CERT1: variants seen among roughly 807,000 people sequenced by gnomAD.
The protein encoded by CERT1 is ceramide transfer protein.
Under a neutral mutation model 87.9 loss-of-function variants are expected in CERT1, and 31 were observed. The ratio of observed to expected loss-of-function variants is 0.35; its 90% CI spans 0.27 to 0.48. The LOEUF is 0.48. CERT1 is among the 20% of genes least tolerant of loss of function. CERT1 has a pLI of 0.99. For missense variants in CERT1, 487 were observed against 758.0 expected (o/e 0.64, Z 4.20); for synonymous variants, 289 against 250.9 (o/e 1.15, Z -1.44).
intron 3 of CERT1, among the ~76,000 whole-genome samples, chr5:75,440,036 T>C (rs938971807): frequency 2.0e-5 from 3 of 152,088 alleles, no homozygotes; most frequent in Non-Finnish European, 2.9e-5. Flanking sequence ...TCCCTGGGCT[T>C]CATTTTATCT....
intron 2 of CERT1, among the ~76,000 whole-genome samples, chr5:75,483,342 A>G (rs534167349): frequency 4.6e-5 from 7 of 152,326 alleles, no homozygotes; most frequent in Non-Finnish European, 1.0e-4. Context: ...GTCAGAGGAG[A>G]TAAAAAAAGA....
chr5:75,387,579 TAAAAATAC>T (rs925851163), intron 12 of CERT1, among the ~76,000 whole-genome samples: 69 of 151,804 alleles, frequency 4.5e-4, no homozygotes, highest in Non-Finnish European at 3.2e-4. Flanking sequence ...CCATTTCTAC[TAAAAATAC>T]AAAAATTAAC....
intron 6 of CERT1, among the ~76,000 whole-genome samples, chr5:75,418,836 A>T (rs1214448444): frequency 6.6e-6 from 1 of 152,218 alleles, no homozygotes; most frequent in Non-Finnish European, 1.5e-5. Context: ...GGAGAGAGGA[A>T]TGACAAAGGG....
intron 2 of CERT1, among the ~76,000 whole-genome samples, chr5:75,478,068 T>G (rs908080699): frequency 6.6e-6 from 1 of 152,068 alleles, no homozygotes; most frequent in Admixed American, 6.5e-5. Context: ...ATCCCAGCAC[T>G]TTGGGAGGCT....
chr5:75,443,378 C>A, intron 3 of CERT1, among the ~76,000 whole-genome samples: 1 of 152,114 alleles, frequency 6.6e-6, no homozygotes, highest in East Asian at 1.9e-4. Flanking sequence ...ACTGTATCCT[C>A]AAAGTTTTGG....
At chr5:75,511,648 C>T (rs1768013330), upstream of CERT1, 1 of 1,508,312 alleles carries the variant, frequency 6.6e-7, no homozygotes, top group Non-Finnish European at 8.9e-7. Flanking sequence ...CTCCCCTGTC[C>T]TTTCCCCTCC....
At chr5:75,402,019 C>T (rs149003483) in intron 9 of CERT1, 2 of 152,264 alleles carry the variant, frequency 1.3e-5, no homozygotes, top group East Asian at 1.9e-4. Flanking sequence ...CTAGTTGTAA[C>T]GTATGGTAAC....
In CERT1 at chr5:75,381,201, G is replaced by T. The variant is rs1561220606; in HGVS notation, c.1618C>A (p.Leu540Ile). 6.2e-7 allele frequency: 1 copy of T among 1,613,950 alleles called. No individual in the cohort carries two copies. The highest frequency in any genetic ancestry group is 1.7e-5 in the Admixed American group (1 of 59,998). Residue 540 changes from leucine (L) to isoleucine (I), a missense_variant and splice_region_variant, in exon 16 of 17, where the codon CTA becomes ATA. Coordinates refer to ENST00000643780, the MANE Select transcript of CERT1 (RefSeq NM_001379029.1). ...TTGGCACGGACACATCGGTTGTTTA[G>T]CTGCCAAAACAAAAAACAAAGCATC... ...NFSVDHDSAPLNNRCVRAKIN... is the reference protein window; with the variant it reads ...NFSVDHDSAPINNRCVRAKIN...
rs188138750 is a variant in CERT1 at position 75,492,744 on chromosome 5, A to T, written c.231+13238T>A. 5.3e-5 allele frequency among the ~76,000 whole-genome samples: 8 copies of T among 152,334 alleles called. No homozygotes were observed. In the East Asian group the frequency reaches 1.5e-3, roughly 29 times the overall value. On this transcript the variant is annotated intron_variant, in intron 2 of 16. Coordinates refer to ENST00000643780, the MANE Select transcript of CERT1 (RefSeq NM_001379029.1). ...TTATGTATAACAACTCAATTGATTT[A>T]CATGTCAGAGCAACTATCAACGTCC...
intron 2 of CERT1, among the ~76,000 whole-genome samples, chr5:75,476,768 G>A (rs1392410025): frequency 1.3e-5 from 2 of 152,198 alleles, no homozygotes; most frequent in African/African-American, 4.8e-5. Flanking sequence ...ACTGGAGACA[G>A]TGAAAAATAC....
chr5:75,463,942 G>A (rs1342411380), intron 2 of CERT1, among the ~76,000 whole-genome samples: 8 of 152,212 alleles, frequency 5.3e-5, no homozygotes, highest in Non-Finnish European at 8.8e-5. Flanking sequence ...TTGTCCAGAT[G>A]CAGTGATCTG....
chr5:75,392,296 A>G (rs36014638), intron 11 of CERT1, among the ~76,000 whole-genome samples: 376 of 152,332 alleles, frequency 2.5e-3, no homozygotes, highest in Non-Finnish European at 3.5e-3. Flanking sequence ...TTTAAAAATG[A>G]TATTCCTGTA....
At chr5:75,376,666 G>T (rs1761328929), downstream of CERT1, 1 of 152,228 alleles carries the variant, frequency 6.6e-6, no homozygotes, top group South Asian at 2.1e-4. Context: ...ACTTGTGCTT[G>T]AAGAGAGAAT....
intron 11 of CERT1, among the ~76,000 whole-genome samples, chr5:75,397,546 G>C (rs1159903543): frequency 6.6e-6 from 1 of 152,140 alleles, no homozygotes; most frequent in African/African-American, 2.4e-5. Flanking sequence ...TTTATTACTG[G>C]CTTACATTCT....
intron 2 of CERT1, among the ~76,000 whole-genome samples, chr5:75,459,638 C>T (rs552364198): frequency 2.0e-5 from 3 of 152,190 alleles, no homozygotes; most frequent in African/African-American, 7.2e-5. Flanking sequence ...CACATACCAC[C>T]ATGCCCTGCT....
chr5:75,511,628 T>C lies in CERT1; in HGVS notation c.-421A>G, dbSNP rs1039953222. ...GCCATCTTCCTGCCTGGCCCACTAT[T>C]TACCCTCCCCTCCCCTGTCCTTTCC... On this transcript the variant is annotated 5_prime_UTR_variant, in exon 1 of 17. Coordinates refer to ENST00000643780, the MANE Select transcript of CERT1 (RefSeq NM_001379029.1). 4.0e-6 allele frequency: 6 copies of C among 1,483,946 alleles called. No homozygotes were observed. Among genetic ancestry groups the C allele is most frequent in the African/African-American group, 1.4e-5 (1 of 71,608 alleles). The allele number at this position is 1,483,946 out of a possible 1,614,324, so 91.9% of individuals were successfully genotyped here. A position where few individuals can be genotyped will look rare whatever the true frequency, so the allele number is the denominator to read the frequency against.
chr5:75,461,347 A>G (rs998683074), intron 2 of CERT1, among the ~76,000 whole-genome samples: 1 of 152,216 alleles, frequency 6.6e-6, no homozygotes, highest in Non-Finnish European at 1.5e-5. Flanking sequence ...CCTTATGAGA[A>G]TCTAATGGTT....
chr5:75,445,722 G>C (rs1764508210), intron 3 of CERT1, among the ~76,000 whole-genome samples: 2 of 152,100 alleles, frequency 1.3e-5, no homozygotes, highest in South Asian at 4.1e-4. Context: ...TCAAACTCCT[G>C]GTGTTAAATG....
chr5:75,480,703 A>T lies in CERT1; in HGVS notation c.232-21522T>A, dbSNP rs528870424. Among the ~76,000 whole-genome samples the T allele has an allele frequency of 5.3e-5, 8 of 152,332 alleles. No individual in the cohort carries two copies. In the East Asian group the frequency reaches 1.4e-3, roughly 26 times the overall value. Reference sequence around the variant, plus strand: ...TTGATCATCTGATTTGCCTTCCTCAAGAAGGCTTCCACATTTCTGTAAATG... The same window carrying T: ...TTGATCATCTGATTTGCCTTCCTCATGAAGGCTTCCACATTTCTGTAAATG... On this transcript the variant is annotated intron_variant, in intron 2 of 16. Transcript: ENST00000643780.
Sources: gnomAD v4.1 joint callset for allele counts (sites outside exome capture counted in the v4.1 genomes callset) on GRCh38, gnomAD v4.1.1 for gene constraint, MANE v1.5 for transcripts, NCBI Gene and HGNC (gene_info 2026-07-23, HGNC 2026-07-21) for gene names.